CDADC1: variants seen among roughly 807,000 people sequenced by gnomAD.
The protein encoded by CDADC1 is dCTP deaminase.
CDADC1 carries 39 observed loss-of-function variants against 54.9 expected under a neutral mutation model. The ratio of observed to expected loss-of-function variants is 0.71; its 90% CI spans 0.55 to 0.93. The LOEUF (loss-of-function observed/expected upper bound fraction) is 0.93, where lower values mean the gene tolerates loss of function less well. CDADC1 is among the 40% of genes least tolerant of loss of function. The pLI is 0.00. For missense variants in CDADC1, 518 were observed against 618.8 expected, an observed-to-expected ratio of 0.84 and a Z score of 1.73; for synonymous variants, 186 against 204.0, an observed-to-expected ratio of 0.91 and a Z score of 0.75.
chr13:49,265,843 G>A (rs7326191), intron 4 of CDADC1: 385,687 of 1,289,336 alleles, frequency 0.3, 59,061 homozygotes, highest in East Asian at 0.51. Flanking sequence ...ATACACAAAT[G>A]TCTGTCTAAA....
At chr13:49,265,725 A>G (rs1291069782) in intron 4 of CDADC1, among the ~76,000 whole-genome samples, 1 of 152,218 alleles carries the variant, frequency 6.6e-6, no homozygotes, top group Non-Finnish European at 1.5e-5. Flanking sequence ...ATCAGTAGAT[A>G]TATTCCACAT....
In CDADC1 at chr13:49,268,037, C is replaced by G. The variant is rs760302617; in HGVS notation, c.978C>G (p.Ala326=). The change falls in exon 5 of 10, where the codon GCC becomes GCG. Residue 326 remains alanine (A), a synonymous_variant. Transcript: ENST00000251108. The stretch of plus-strand genomic sequence containing the variant: ...TTGCAAGGCACTGCATGGTTCAGGC[C>G]AGGTTATTGGCATATCGAACTGGTG... ...QEIARHCMVQ[A]RLLAYRTEDH... is the part of the protein sequence containing the mutation. 1.4e-5 allele frequency: 22 copies of G among 1,611,894 alleles called. No individual in the cohort carries two copies. Among genetic ancestry groups the G allele is most frequent in the Non-Finnish European group, 4.2e-6 (5 of 1,179,530 alleles).
chr13:49,257,837 A>G (rs1294468533), intron 3 of CDADC1, among the ~76,000 whole-genome samples: 1 of 151,894 alleles, frequency 6.6e-6, no homozygotes, highest in African/African-American at 2.4e-5. Flanking sequence ...TAAATAAACA[A>G]ACTTATTGAA....
chr13:49,266,949 T>C (rs1384731708), intron 4 of CDADC1, among the ~76,000 whole-genome samples: 4 of 152,180 alleles, frequency 2.6e-5, no homozygotes, highest in African/African-American at 9.7e-5. Context: ...TCTTCGAGTA[T>C]ATAGTTTTAG....
chr13:49,276,192 G>A (rs1295151912), intron 6 of CDADC1, among the ~76,000 whole-genome samples: 3 of 152,164 alleles, frequency 2.0e-5, no homozygotes, highest in Admixed American at 1.3e-4. Flanking sequence ...AAAATTCTAT[G>A]TGTATTTTAC....
chr13:49,248,566 C>G (rs1468116491), intron 1 of CDADC1: 1 of 346,346 alleles, frequency 2.9e-6, no homozygotes, highest in African/African-American at 2.1e-5. Context: ...ACGTCAGATG[C>G]GAAGACTTTT....
At chr13:49,283,424 CAG>C (rs1953409797) in intron 8 of CDADC1, among the ~76,000 whole-genome samples, 1 of 152,020 alleles carries the variant, frequency 6.6e-6, no homozygotes, top group Non-Finnish European at 1.5e-5. Context: ...TCCAACTAGT[CAG>C]AGAAATCTCT....
chr13:49,291,856 T>A lies in CDADC1; in HGVS notation c.*99T>A, dbSNP rs1452181621. The A allele has an allele frequency of 6.7e-7, 1 of 1,485,362 alleles. No individual in the cohort carries two copies. Among genetic ancestry groups the A allele is most frequent in the Non-Finnish European group, 9.0e-7 (1 of 1,116,356 alleles). 92.0% of individuals were successfully genotyped at this position (1,485,362 alleles called of 1,614,324 possible). ...AGAAAATAAGGATGGATTTTGTGAA[T>A]AATTGAAAAGATTTTTTAAGGAAGC... is the stretch of plus-strand genomic sequence containing the variant. On this transcript the variant is annotated 3_prime_UTR_variant, in exon 10 of 10. Transcript: ENST00000251108.
intron 8 of CDADC1, among the ~76,000 whole-genome samples, chr13:49,281,724 G>A (rs554063604): frequency 6.6e-6 from 1 of 152,182 alleles, no homozygotes; most frequent in Admixed American, 6.5e-5. Context: ...CCAAACAAAG[G>A]GAGGTGCACA....
intron 8 of CDADC1, among the ~76,000 whole-genome samples, chr13:49,282,678 T>C (rs796328681): frequency 3.9e-5 from 6 of 152,350 alleles, no homozygotes; most frequent in African/African-American, 1.4e-4. Flanking sequence ...CCCCAACCCC[T>C]GGGTACCAGT....
At chr13:49,285,577 G>A (rs1593854271) in intron 8 of CDADC1, among the ~76,000 whole-genome samples, 1 of 152,138 alleles carries the variant, frequency 6.6e-6, no homozygotes, top group Non-Finnish European at 1.5e-5. Flanking sequence ...TAATTCCATA[G>A]TACTGGGCAT....
rs1448558230 is a variant in CDADC1 at position 49,291,718 on chromosome 13, G to A, written c.1506G>A (p.Glu502=). The A allele has an allele frequency of 6.2e-7, 1 of 1,614,132 alleles. No homozygotes were observed. The highest frequency in any genetic ancestry group is 2.2e-5 in the East Asian group (1 of 44,882). ...TGAGACCTGTCCCACAGAAGGAAGA[G>A]CAGCACCAGGACAAGAAGCTGCGCC... is the stretch of plus-strand genomic sequence containing the variant. ...GVLRPVPQKE[E]QHQDKKLRLG... is the part of the protein sequence containing the mutation. Residue 502 remains glutamate (E), a synonymous_variant, in exon 10 of 10, where the codon GAG becomes GAA. Transcript: ENST00000251108.
Position 49,248,762 on chromosome 13 carries a change from TC to T in CDADC1, c.83-108del, listed in dbSNP as rs1425674373. On this transcript the variant is annotated intron_variant, in intron 1 of 9. Coordinates refer to ENST00000251108, the MANE Select transcript of CDADC1 (RefSeq NM_030911.4). ...CTTGTCCCCTATCTTTTTCTGTGCCTCTTGCGAAAGCAGCTGGGCTTAGGCT... is the reference window on the plus strand; with the variant it reads ...CTTGTCCCCTATCTTTTTCTGTGCCTTTGCGAAAGCAGCTGGGCTTAGGCT... 5.5e-6 allele frequency: 4 copies of T among 725,758 alleles called. No homozygotes were observed. In the African/African-American group the frequency reaches 7.1e-5, roughly 13 times the overall value. The allele number at this position is 725,758 out of a possible 1,614,324, so 45.0% of individuals were successfully genotyped here.
At chr13:49,276,288 G>A (rs1953131372) in intron 6 of CDADC1, among the ~76,000 whole-genome samples, 1 of 152,134 alleles carries the variant, frequency 6.6e-6, no homozygotes, top group African/African-American at 2.4e-5. Context: ...GTTCTAAGTG[G>A]GGAAATGATT....
chr13:49,281,286 TAAAAGAA>T (rs1238793257), intron 8 of CDADC1, among the ~76,000 whole-genome samples: 2 of 152,140 alleles, frequency 1.3e-5, no homozygotes, highest in Non-Finnish European at 2.9e-5. Context: ...TGGTGGCTGA[TAAAAGAA>T]AAATCTCTGA....
Position 49,292,278 on chromosome 13 carries a change from CATAAAA to C in CDADC1, c.*527_*532del, listed in dbSNP as rs1953731538. ...AGAATTTACTTAATTAGAATTGACT[CATAAAA>C]ATAAAGTTAGTGGACTTTGTCTCCA... On this transcript the variant is annotated 3_prime_UTR_variant, in exon 10 of 10. Transcript: ENST00000251108. The C allele has an allele frequency of 1.0e-6, 1 of 976,218 alleles. No homozygotes were observed. The highest frequency in any genetic ancestry group is 1.8e-5 in the African/African-American group (1 of 56,994). The allele number at this position is 976,218 out of a possible 1,614,324, so 60.5% of individuals were successfully genotyped here. A position where few individuals can be genotyped will look rare whatever the true frequency, so the allele number is the denominator to read the frequency against.
intron 4 of CDADC1, among the ~76,000 whole-genome samples, chr13:49,262,605 A>G (rs1205835923): frequency 6.6e-6 from 1 of 152,040 alleles, no homozygotes; most frequent in Non-Finnish European, 1.5e-5. Context: ...ATTTCAGCTC[A>G]TTGCAACCCC....
At position 49,255,859 on chromosome 13, in the gene CDADC1, T is replaced by A; in HGVS notation, c.198T>A (p.His66Gln). Residue 66 changes from histidine to glutamine, a missense_variant, in exon 3 of 10, where the codon CAT becomes CAA. By Grantham distance (24) the His-to-Gln change is conservative (BLOSUM62 0). Transcript: ENST00000251108. ...ATTAGAAAAATGAAGAGGGAAAGCA[T>A]GGACCCTTAGGAGATAATGAAGAGA... ...QKSQKNEEGKHGPLGDNEERT... is the reference protein window; with the variant it reads ...QKSQKNEEGKQGPLGDNEERT... 1 of 1,611,138 alleles carries A rather than the reference T, an allele frequency of 6.2e-7. No homozygotes were observed. The highest frequency in any genetic ancestry group is 8.5e-7 in the Non-Finnish European group (1 of 1,179,122).
At chr13:49,284,136 TC>T (rs1953437082) in intron 8 of CDADC1, among the ~76,000 whole-genome samples, 1 of 152,230 alleles carries the variant, frequency 6.6e-6, no homozygotes, top group South Asian at 2.1e-4. Context: ...CAACACTGTT[TC>T]CAAGAATAGA....
Sources: gnomAD v4.1 joint callset for allele counts (sites outside exome capture counted in the v4.1 genomes callset) on GRCh38, gnomAD v4.1.1 for gene constraint, MANE v1.5 for transcripts, NCBI Gene and HGNC (gene_info 2026-07-23, HGNC 2026-07-21) for gene names.